SLC4A4: variants seen among roughly 807,000 people sequenced by gnomAD.
The protein encoded by SLC4A4 is solute carrier family 4 member 4, also known as electrogenic sodium bicarbonate cotransporter 1.
In SLC4A4, 27 loss-of-function variants were observed where a neutral mutation model predicts 111.5. The ratio of observed to expected loss-of-function variants is 0.24; its 90% CI spans 0.18 to 0.33. The LOEUF is 0.33. Among genes scored for constraint, SLC4A4 ranks in the 10% least tolerant of loss-of-function variants. The pLI is 1.00. For synonymous variants in SLC4A4, 443 were observed against 463.4 expected, an observed-to-expected ratio of 0.96 and a Z score of 0.57; for missense variants, 909 against 1,315.5, an observed-to-expected ratio of 0.69 and a Z score of 4.78.
At chr4:71,506,867 G>T (rs1731465659) in intron 16 of SLC4A4, among the ~76,000 whole-genome samples, 1 of 152,084 alleles carries the variant, frequency 6.6e-6, no homozygotes, top group Admixed American at 6.6e-5. Flanking sequence ...CACCTACAAA[G>T]GGAAGCCCAT....
chr4:71,162,799 G>C (rs1020522439), intron 2 of SLC4A4, among the ~76,000 whole-genome samples: 24 of 152,136 alleles, frequency 1.6e-4, no homozygotes, highest in African/African-American at 5.1e-4. Context: ...TATTACGTAA[G>C]GTTAGAGAGA....
intron 1 of SLC4A4, among the ~76,000 whole-genome samples, chr4:71,065,547 C>T (rs1258594453): frequency 1.3e-5 from 2 of 152,044 alleles, no homozygotes; most frequent in Non-Finnish European, 2.9e-5. Flanking sequence ...TGATATAAAT[C>T]GACAGGAAAA....
chr4:71,145,688 T>A (rs1211852309), intron 2 of SLC4A4, among the ~76,000 whole-genome samples: 1 of 152,042 alleles, frequency 6.6e-6, no homozygotes, highest in Admixed American at 6.6e-5. Context: ...GGGTGTATGT[T>A]TTGAGGAATT....
At chr4:71,268,487 T>G (rs542641606) in intron 3 of SLC4A4, among the ~76,000 whole-genome samples, 6 of 152,256 alleles carry the variant, frequency 3.9e-5, no homozygotes, top group African/African-American at 1.4e-4. Flanking sequence ...TATACTTTGG[T>G]TTTGGTTTGT....
At chr4:71,276,898 A>G (rs1723109632) in intron 3 of SLC4A4, among the ~76,000 whole-genome samples, 1 of 151,976 alleles carries the variant, frequency 6.6e-6, no homozygotes, top group Admixed American at 6.6e-5. Context: ...AAAGACAAGA[A>G]TAAGCCAGGT....
At chr4:71,553,762 C>A (rs1436880723) in intron 20 of SLC4A4, among the ~76,000 whole-genome samples, 1 of 151,806 alleles carries the variant, frequency 6.6e-6, no homozygotes, top group Admixed American at 6.6e-5. Flanking sequence ...TAAATGAAGG[C>A]ATGTGTCAGA....
rs72850625 is a variant in SLC4A4, at chr4:71,167,580, G to C, written c.-1-68996G>C. ...AAAGAAAAAGTGAGTATACAATCAG[G>C]AGAATGTAAGTGTTATGTTAAAAGT... On this transcript the variant is annotated intron_variant, in intron 2 of 26. Transcript: ENST00000649996. Among the ~76,000 whole-genome samples, 809 of 152,288 alleles carry C rather than the reference G, an allele frequency of 5.3e-3. 9 individuals carry two copies. The highest frequency in any genetic ancestry group is 0.019 in the African/African-American group (774 of 41,558).
chr4:71,126,025 A>G (rs113124743), intron 2 of SLC4A4, among the ~76,000 whole-genome samples: 38 of 152,276 alleles, frequency 2.5e-4, no homozygotes, highest in African/African-American at 8.9e-4. Context: ...TCATGTGATG[A>G]TTATTTTGTA....
intron 2 of SLC4A4, among the ~76,000 whole-genome samples, chr4:71,098,988 A>T (rs1742638582): frequency 6.6e-6 from 1 of 152,218 alleles, no homozygotes; most frequent in Non-Finnish European, 1.5e-5. Flanking sequence ...AAAGAAACTT[A>T]GACTCCCACA....
At chr4:71,285,665 C>T (rs779270788) in intron 3 of SLC4A4, among the ~76,000 whole-genome samples, 22 of 152,094 alleles carry the variant, frequency 1.4e-4, no homozygotes, top group Admixed American at 7.9e-4. Context: ...AAACAATTCT[C>T]AGAAAACAAT....
At chr4:71,468,466 T>A (rs920485072) in intron 13 of SLC4A4, among the ~76,000 whole-genome samples, 1 of 151,956 alleles carries the variant, frequency 6.6e-6, no homozygotes, top group Non-Finnish European at 1.5e-5. Context: ...CGTTCTCCCT[T>A]TTTTTTCTAT....
In SLC4A4 at chr4:71,089,660, C is replaced by T. The variant is rs550643909; in HGVS notation, c.-64-3070C>T. On this transcript the variant is annotated intron_variant, in intron 1 of 26. Transcript: ENST00000649996. ...GGTCTTTTGGAGTTTGCTGGAGGTC[C>T]AATACAGACCCTGTTTGCCTAGGTA... 3.3e-5 allele frequency among the ~76,000 whole-genome samples: 5 copies of T among 151,966 alleles called. No homozygotes were observed. In the East Asian group the frequency reaches 9.7e-4, roughly 29 times the overall value.
intron 2 of SLC4A4, among the ~76,000 whole-genome samples, chr4:71,246,385 G>C (rs1720657283): frequency 6.6e-6 from 1 of 152,154 alleles, no homozygotes; most frequent in Non-Finnish European, 1.5e-5. Flanking sequence ...GACTCCCTCT[G>C]CAGAGGAAAA....
chr4:71,477,323 C>CT (rs764058867), intron 14 of SLC4A4, among the ~76,000 whole-genome samples: 46 of 151,624 alleles, frequency 3.0e-4, no homozygotes, highest in Non-Finnish European at 5.5e-4. Context: ...TCTCACTATC[C>CT]TACAAAAGAT....
chr4:71,241,532 T>A (rs540500001), intron 2 of SLC4A4, among the ~76,000 whole-genome samples: 6 of 152,310 alleles, frequency 3.9e-5, no homozygotes, highest in Admixed American at 6.5e-5. Flanking sequence ...AGACATTTTT[T>A]AATTATTACA....
intron 2 of SLC4A4, among the ~76,000 whole-genome samples, chr4:71,248,654 G>C (rs1242833461): frequency 2.6e-5 from 4 of 152,004 alleles, no homozygotes; most frequent in Admixed American, 6.6e-5. Flanking sequence ...TGTTTTTCTA[G>C]CTAAGATCTT....
intron 1 of SLC4A4, among the ~76,000 whole-genome samples, chr4:71,228,862 C>G (rs1337280815): frequency 6.6e-6 from 1 of 152,178 alleles, no homozygotes; most frequent in South Asian, 2.1e-4. Context: ...AATGTCATAA[C>G]CAGCATATTG....
intron 3 of SLC4A4, among the ~76,000 whole-genome samples, chr4:71,274,405 G>A (rs1009663779): frequency 6.6e-6 from 1 of 152,166 alleles, no homozygotes; most frequent in East Asian, 1.9e-4. Flanking sequence ...AACTGTATGT[G>A]CCATATGAGA....
At chr4:71,566,190 T>C (rs1387665512) in intron 24 of SLC4A4, among the ~76,000 whole-genome samples, 1 of 151,852 alleles carries the variant, frequency 6.6e-6, no homozygotes, top group African/African-American at 2.4e-5. Context: ...GAGGCTAATT[T>C]CTGCTAACCC....
Sources: gnomAD v4.1 joint callset for allele counts (sites outside exome capture counted in the v4.1 genomes callset) on GRCh38, gnomAD v4.1.1 for gene constraint, MANE v1.5 for transcripts, NCBI Gene and HGNC (gene_info 2026-07-23, HGNC 2026-07-21) for gene names.